The following PRKCA variants were observed in gnomAD, a reference collection of about 807,000 sequenced individuals.
The protein encoded by PRKCA is protein kinase C alpha type.
PRKCA carries 27 observed loss-of-function variants against 87.0 expected under a neutral mutation model. The observed-to-expected ratio is 0.31, with a 90% CI of 0.23 to 0.43. PRKCA has a LOEUF of 0.43. Among genes scored for constraint, PRKCA ranks in the 20% least tolerant of loss-of-function variants. The pLI is 1.00. For missense variants in PRKCA, 518 were observed against 852.3 expected, an observed-to-expected ratio of 0.61 and a Z score of 4.88; for synonymous variants, 329 against 311.1, an observed-to-expected ratio of 1.06 and a Z score of -0.61.
intron 2 of PRKCA, among the ~76,000 whole-genome samples, chr17:66,444,327 G>A (rs187762699): frequency 6.6e-6 from 1 of 152,310 alleles, no homozygotes; most frequent in African/African-American, 2.4e-5. Context: ...AATCCCAGAT[G>A]TGTGTGCTTT....
chr17:66,411,716 G>T (rs1911816713), intron 2 of PRKCA, among the ~76,000 whole-genome samples: 1 of 152,166 alleles, frequency 6.6e-6, no homozygotes, highest in African/African-American at 2.4e-5. Context: ...ACAGCCACTA[G>T]CGGCCGTCCT....
chr17:66,413,158 T>C (rs1174331529), intron 2 of PRKCA, among the ~76,000 whole-genome samples: 1 of 152,194 alleles, frequency 6.6e-6, no homozygotes, highest in African/African-American at 2.4e-5. Flanking sequence ...TGACCTGTGC[T>C]CCTGACTGAC....
At chr17:66,509,644 G>C (rs9903655) in intron 3 of PRKCA, among the ~76,000 whole-genome samples, 117 of 152,194 alleles carry the variant, frequency 7.7e-4, no homozygotes, top group Middle Eastern at 3.4e-3. Flanking sequence ...ACACCATTGT[G>C]TAAACACCCA....
intron 3 of PRKCA, among the ~76,000 whole-genome samples, chr17:66,526,407 C>T (rs1013332091): frequency 1.3e-5 from 2 of 152,150 alleles, no homozygotes; most frequent in African/African-American, 4.8e-5. Context: ...CTGCATGTCA[C>T]CTGAGGGTTG....
chr17:66,400,757 A>G (rs1228497201), intron 2 of PRKCA, among the ~76,000 whole-genome samples: 1 of 152,204 alleles, frequency 6.6e-6, no homozygotes, highest in Non-Finnish European at 1.5e-5. Context: ...AAAGGTTCCA[A>G]TTTCTCTGCA....
chr17:66,551,071 G>A (rs1448690277), intron 3 of PRKCA, among the ~76,000 whole-genome samples: 1 of 151,930 alleles, frequency 6.6e-6, no homozygotes, highest in Admixed American at 6.6e-5. Flanking sequence ...TTTTTTAATT[G>A]TTGTTTTTTG....
At chr17:66,363,825 C>G (rs774596072) in intron 2 of PRKCA, among the ~76,000 whole-genome samples, 18 of 152,180 alleles carry the variant, frequency 1.2e-4, no homozygotes, top group Non-Finnish European at 2.6e-4. Flanking sequence ...GCCTCAGCCT[C>G]CCGAGTACCT....
In PRKCA at chr17:66,735,417, G is replaced by A; in HGVS notation, c.1057-72G>A. 4 of 1,527,682 alleles carry A rather than the reference G, an allele frequency of 2.6e-6. No homozygotes were observed. The East Asian group carries it at 6.8e-5, about 26-fold the overall frequency. 94.6% of individuals were successfully genotyped at this position (1,527,682 alleles called of 1,614,324 possible). A position where few individuals can be genotyped will look rare whatever the true frequency, so the allele number is the denominator to read the frequency against. On this transcript the variant is annotated intron_variant, in intron 9 of 16. Transcript: ENST00000413366. ...CAAACTGTCACTGAGCCGTCACCTG[G>A]CCTGGTTCCTTCCCTCTGCCCCCCA...
At chr17:66,640,568 G>C (rs765762187) in intron 3 of PRKCA, among the ~76,000 whole-genome samples, 1 of 152,170 alleles carries the variant, frequency 6.6e-6, no homozygotes, top group African/African-American at 2.4e-5. Flanking sequence ...TGTCAGTTTG[G>C]ATGTAGATCT....
intron 5 of PRKCA, among the ~76,000 whole-genome samples, chr17:66,653,460 G>A (rs1971643858): frequency 6.6e-6 from 1 of 152,054 alleles, no homozygotes; most frequent in African/African-American, 2.4e-5. Flanking sequence ...ATGTGGTGGT[G>A]TGCACTTGTA....
chr17:66,614,490 C>T (rs1269466895), intron 3 of PRKCA, among the ~76,000 whole-genome samples: 1 of 152,142 alleles, frequency 6.6e-6, no homozygotes, highest in Admixed American at 6.5e-5. Context: ...TTGGTGAGTT[C>T]TTAAAAATGT....
At chr17:66,310,306 G>A (rs1905033122) in intron 2 of PRKCA, among the ~76,000 whole-genome samples, 1 of 151,740 alleles carries the variant, frequency 6.6e-6, no homozygotes, top group Non-Finnish European at 1.5e-5. Context: ...TCAAGAGACA[G>A]CGTGAGAATT....
rs59582978 is a variant in PRKCA, at chr17:66,307,852, TTC to T, written c.205+1729_205+1730del. On this transcript the variant is annotated intron_variant, in intron 2 of 16. Coordinates refer to ENST00000413366, the MANE Select transcript of PRKCA (RefSeq NM_002737.3). ...AAATAAAAAGTGAAATTGCATATGC[TTC>T]TCTTTTCCCTCCTCCAGAGATAACT... Among the ~76,000 whole-genome samples the T allele has an allele frequency of 5.3e-3, 803 of 152,308 alleles. 11 individuals carry two copies. The highest frequency in any genetic ancestry group is 0.019 in the African/African-American group (773 of 41,570).
chr17:66,389,721 C>T (rs1320081147), intron 2 of PRKCA, among the ~76,000 whole-genome samples: 1 of 152,202 alleles, frequency 6.6e-6, no homozygotes, highest in African/African-American at 2.4e-5. Flanking sequence ...TGAGGAGCAT[C>T]ACCTTTTGTG....
At chr17:66,780,762 T>G (rs1975186714) in intron 14 of PRKCA, among the ~76,000 whole-genome samples, 1 of 152,064 alleles carries the variant, frequency 6.6e-6, no homozygotes, top group Non-Finnish European at 1.5e-5. Context: ...GGAATGGGGA[T>G]GCTTTTTTCG....
chr17:66,357,225 C>CA (rs1377324156), intron 2 of PRKCA, among the ~76,000 whole-genome samples: 2 of 152,190 alleles, frequency 1.3e-5, no homozygotes, highest in South Asian at 4.1e-4. Flanking sequence ...TGGAAGGAGA[C>CA]AGAGAGAGAG....
At chr17:66,785,887 G>GGC (rs1975372197) in intron 14 of PRKCA, among the ~76,000 whole-genome samples, 2 of 152,224 alleles carry the variant, frequency 1.3e-5, no homozygotes, top group Admixed American at 6.5e-5. Context: ...GGAGTGCAGT[G>GGC]GTGCAATCTC....
At chr17:66,545,534 A>G (rs1029907752) in intron 3 of PRKCA, among the ~76,000 whole-genome samples, 2 of 152,174 alleles carry the variant, frequency 1.3e-5, no homozygotes, top group African/African-American at 4.8e-5. Flanking sequence ...CACATCATGC[A>G]TTCCTGAGTG....
intron 3 of PRKCA, among the ~76,000 whole-genome samples, chr17:66,566,539 T>C (rs531521200): frequency 1.2e-3 from 172 of 149,132 alleles, no homozygotes; most frequent in Admixed American, 2.8e-3. Context: ...TGAGAACTTA[T>C]GCCCTCCTGA....
Sources: allele counts gnomAD v4.1 joint callset (sites outside exome capture counted in the v4.1 genomes callset), GRCh38; gene constraint gnomAD v4.1.1; transcripts MANE v1.5; gene names NCBI Gene and HGNC (gene_info 2026-07-23, HGNC 2026-07-21).